Variants in EBF3 observed in about 807,000 individuals in gnomAD.
The protein encoded by EBF3 is EBF transcription factor 3.
EBF3 carries 18 observed loss-of-function variants against 77.1 expected under a neutral mutation model. The ratio of observed to expected loss-of-function variants is 0.23; its 90% confidence interval spans 0.16 to 0.35. The LOEUF (loss-of-function observed/expected upper bound fraction) is 0.35. Ranked by LOEUF, EBF3 falls within the 10% of genes least tolerant of loss-of-function variation. EBF3 has a pLI of 1.00. For missense variants in EBF3, 558 were observed against 860.0 expected (o/e 0.65, Z 4.39); for synonymous variants, 350 against 343.5 (o/e 1.02, Z -0.21).
At position 129,946,177 on chromosome 10, in the gene EBF3, G is replaced by GC. The variant is rs1281839355; in HGVS notation, c.554+11080dup. 2.6e-5 allele frequency among the ~76,000 whole-genome samples: 4 copies of GC among 152,342 alleles called. No homozygotes were observed. The East Asian group carries it at 7.7e-4, about 29-fold the overall frequency. ...CGGATTCCCTGCTTCTCACTGCTGG[G>GC]CCCTCGGTCCTGGCCTCGCGCGGAC... On this transcript the variant is annotated intron_variant, in intron 6 of 16. Coordinates refer to ENST00000440978, the MANE Select transcript of EBF3 (RefSeq NM_001375380.1).
In EBF3 at chr10:129,839,011, ACTTCGGGGGCCTGGGCGTCC is replaced by A. The variant is rs1194540146; in HGVS notation, c.1872+52_1872+71del. 13 of 1,277,094 alleles carry A rather than the reference ACTTCGGGGGCCTGGGCGTCC, an allele frequency of 1.0e-5. No homozygotes were observed. The East Asian group carries it at 6.7e-4, about 66-fold the overall frequency. 79.1% of individuals were successfully genotyped at this position (1,277,094 alleles called of 1,614,324 possible). A position where few individuals can be genotyped will look rare whatever the true frequency, so the allele number is the denominator to read the frequency against. On this transcript the variant is annotated intron_variant, in intron 16 of 16. Coordinates refer to ENST00000440978, the MANE Select transcript of EBF3 (RefSeq NM_001375380.1). ...GATGGCACGCAGGCCAGTCGGCGGC[ACTTCGGGGGCCTGGGCGTCC>A]CTTCATACGCTAACGGATGTTGTGA... is the stretch of plus-strand genomic sequence containing the variant.
rs1007458994 is a variant in EBF3 at position 129,842,852 on chromosome 10, G to A, written c.1194+285C>T. 1.1e-4 allele frequency among the ~76,000 whole-genome samples: 16 copies of A among 151,738 alleles called. No individual in the cohort carries two copies. Among genetic ancestry groups the A allele is most frequent in the Admixed American group, 3.9e-4 (6 of 15,244 alleles). ...CATCCAGCCCTCCCTGGTTCCCAGC[G>A]GCACCAACACCGTCCACCCGCCACT... On this transcript the variant is annotated intron_variant, in intron 12 of 16. Coordinates refer to ENST00000440978, the MANE Select transcript of EBF3 (RefSeq NM_001375380.1). This position sits in a 1 kb window ranked among gnomAD's most constrained non-coding sequence, Gnocchi z 4.4.
At chr10:129,959,175 G>C (rs1242072212) in intron 4 of EBF3, among the ~76,000 whole-genome samples, 168 bp from the exon 5 acceptor site, 2 of 152,134 alleles carry the variant, frequency 1.3e-5, no homozygotes, top group Non-Finnish European at 2.9e-5. Context: ...CTCGGAGCTG[G>C]GCTAGGCCGC....
chr10:129,862,389 T>C (rs1046796823), intron 10 of EBF3, among the ~76,000 whole-genome samples: 4 of 152,302 alleles, frequency 2.6e-5, no homozygotes, highest in Admixed American at 2.6e-4. Context: ...TGCTATCGAC[T>C]GCCAATATCT....
chr10:129,942,587 C>T (rs948410279), intron 6 of EBF3, among the ~76,000 whole-genome samples: 1 of 152,110 alleles, frequency 6.6e-6, no homozygotes, highest in African/African-American at 2.4e-5. Context: ...CAACTCGGGC[C>T]CCGGGGCACT....
intron 11 of EBF3, chr10:129,845,832 A>G (rs1289983005): frequency 1.3e-5 from 2 of 152,180 alleles, no homozygotes; most frequent in East Asian, 3.8e-4. Flanking sequence ...CATGCAATTA[A>G]TTTTATGGTA....
At chr10:129,913,509 T>C (rs1379250540) in intron 6 of EBF3, among the ~76,000 whole-genome samples, 3 of 152,274 alleles carry the variant, frequency 2.0e-5, no homozygotes, top group Non-Finnish European at 4.4e-5. Flanking sequence ...GTATGATGAA[T>C]GGCCTGTATT....
chr10:129,941,539 A>T (rs1857735695), intron 6 of EBF3, among the ~76,000 whole-genome samples: 1 of 152,050 alleles, frequency 6.6e-6, no homozygotes, highest in Admixed American at 6.6e-5. Flanking sequence ...GAGAGAGGAG[A>T]CTCGGCCACA....
chr10:129,914,825 G>A lies in EBF3; in HGVS notation c.555-36976C>T, dbSNP rs748292304. ...CCCCCACCTTCTCCCTGCACCCAAC[G>A]GGTGTCATGAGAAGGGAGGCTCAGT... On this transcript the variant is annotated intron_variant, in intron 6 of 16. Transcript: ENST00000440978. 4.6e-5 allele frequency among the ~76,000 whole-genome samples: 7 copies of A among 152,190 alleles called. No homozygotes were observed. The East Asian group carries it at 9.7e-4, about 21-fold the overall frequency.
At position 129,908,910 on chromosome 10, in the gene EBF3, C is replaced by T. The variant is rs115797689; in HGVS notation, c.555-31061G>A. 4.3e-3 allele frequency among the ~76,000 whole-genome samples: 659 copies of T among 152,304 alleles called. 4 individuals are homozygous for T. The highest frequency in any genetic ancestry group is 0.015 in the African/African-American group (638 of 41,562). ...TTTGCAAATTCTAAACACAATGCAACTGCCTCTTTAAGTAACTCTGCTTCT... is the reference window on the plus strand; with the variant it reads ...TTTGCAAATTCTAAACACAATGCAATTGCCTCTTTAAGTAACTCTGCTTCT... On this transcript the variant is annotated intron_variant, in intron 6 of 16. Coordinates refer to ENST00000440978, the MANE Select transcript of EBF3 (RefSeq NM_001375380.1).
Position 129,905,418 on chromosome 10 carries a change from A to G in EBF3, c.555-27569T>C, listed in dbSNP as rs182575278. On this transcript the variant is annotated intron_variant, in intron 6 of 16. Coordinates refer to ENST00000440978, the MANE Select transcript of EBF3 (RefSeq NM_001375380.1). ...TATATGAAGGAAAAAATTCTTTCTT[A>G]TATTTTATATTATAAAAATATTATC... Among the ~76,000 whole-genome samples, 458 of 149,704 alleles carry G rather than the reference A, an allele frequency of 3.1e-3. 2 individuals carry two copies. Among genetic ancestry groups the G allele is most frequent in the African/African-American group, 0.01 (407 of 39,158 alleles).
intron 6 of EBF3, among the ~76,000 whole-genome samples, chr10:129,915,243 C>T (rs1056834572): frequency 6.6e-6 from 1 of 152,034 alleles, no homozygotes; most frequent in African/African-American, 2.4e-5. Context: ...TGATGTGAGG[C>T]CTCATTTCAA....
chr10:129,914,592 A>G (rs758820889), intron 6 of EBF3, among the ~76,000 whole-genome samples: 8 of 152,144 alleles, frequency 5.3e-5, no homozygotes, highest in Non-Finnish European at 8.8e-5. Context: ...TGAGGGTAGG[A>G]AAGGAGAAGG....
intron 10 of EBF3, among the ~76,000 whole-genome samples, chr10:129,865,350 G>A (rs529337353): frequency 3.5e-4 from 54 of 152,312 alleles, no homozygotes; most frequent in Non-Finnish European, 6.5e-4. Context: ...ATTGTGACAT[G>A]TCTTTATTTT....
At position 129,962,238 on chromosome 10, in the gene EBF3, C is replaced by A. The variant is rs762893670; in HGVS notation, c.356-12G>T. 2 of 1,613,974 alleles carry A rather than the reference C, an allele frequency of 1.2e-6. No homozygotes were observed. The highest frequency in any genetic ancestry group is 1.7e-6 in the Non-Finnish European group (2 of 1,179,940). ...CTCTGTTCTGACTCCTGCAAAAAAA[C>A]AGAGACAAATTCTCATCAGGATTTG... On this transcript the variant is annotated splice_polypyrimidine_tract_variant and intron_variant, in intron 3 of 16. Transcript: ENST00000440978.
chr10:129,962,305 T>G, intron 3 of EBF3, 79 bp from the exon 4 acceptor site: 1 of 1,401,618 alleles, frequency 7.1e-7, no homozygotes, highest in Non-Finnish European at 1.0e-6. Flanking sequence ...ACAGGAAGTC[T>G]GTAACTCAGG....
At chr10:129,875,067 T>C (rs1454012851) in intron 7 of EBF3, among the ~76,000 whole-genome samples, 1 of 152,100 alleles carries the variant, frequency 6.6e-6, no homozygotes, top group East Asian at 1.9e-4. Context: ...ATTCATTGTA[T>C]TCAATGAGTC....
chr10:129,930,864 A>G (rs1318601608), intron 6 of EBF3, among the ~76,000 whole-genome samples: 1 of 144,590 alleles, frequency 6.9e-6, no homozygotes, highest in Non-Finnish European at 1.5e-5. Flanking sequence ...CTCTATATTA[A>G]CAAATCCCCC....
chr10:129,926,527 C>T (rs1176869987), intron 6 of EBF3, among the ~76,000 whole-genome samples: 2 of 152,090 alleles, frequency 1.3e-5, no homozygotes, highest in East Asian at 1.9e-4. Context: ...AGTGAAACCT[C>T]GTGTCACCCC....
Sources: gnomAD v4.1 joint callset for allele counts (sites outside exome capture counted in the v4.1 genomes callset) on GRCh38, gnomAD v4.1.1 for gene constraint, Gnocchi (gnomAD v3.1) non-coding constraint, MANE v1.5 for transcripts, NCBI Gene and HGNC (gene_info 2026-07-23, HGNC 2026-07-21) for gene names.